Variants in MEIS1 observed in about 807,000 individuals in gnomAD.
MEIS1 encodes the protein homeobox protein Meis1.
MEIS1 carries 5 observed loss-of-function variants against 50.8 expected under a neutral mutation model. That is an observed-to-expected ratio of 0.10 (90% CI 0.05 to 0.21). The LOEUF is 0.21. Ranked by LOEUF, MEIS1 falls within the 10% of genes least tolerant of loss-of-function variation. MEIS1 has a pLI of 1.00. For missense variants in MEIS1, 318 were observed against 517.3 expected (o/e 0.61, Z 3.74); for synonymous variants, 176 against 179.3 (o/e 0.98, Z 0.15).
At chr2:66,551,753 GA>G (rs1674927500) in intron 9 of MEIS1, among the ~76,000 whole-genome samples, 1 of 151,478 alleles carries the variant, frequency 6.6e-6, no homozygotes, top group South Asian at 2.1e-4. Context: ...AATCATTTTC[GA>G]AACATAATAT....
rs79836955 is a variant in MEIS1, at chr2:66,439,584, A to G, written c.240-259A>G. On this transcript the variant is annotated intron_variant, in intron 2 of 12. Coordinates refer to ENST00000272369, the MANE Select transcript of MEIS1 (RefSeq NM_002398.3). The stretch of plus-strand genomic sequence containing the variant: ...GTTTTATTCGTAGCAAATGTTGCCA[A>G]TTTCTCCGGCCAGATACGCTAAACC... 408 of 1,525,618 alleles carry G rather than the reference A, an allele frequency of 2.7e-4. 1 individual carries two copies. In the African/African-American group the frequency reaches 5.2e-3, roughly 19 times the overall value. 94.5% of individuals were successfully genotyped at this position (1,525,618 alleles called of 1,614,324 possible). A position where few individuals can be genotyped will look rare whatever the true frequency, so the allele number is the denominator to read the frequency against.
intron 7 of MEIS1, among the ~76,000 whole-genome samples, chr2:66,485,923 T>C (rs1422604461): frequency 1.3e-5 from 2 of 152,242 alleles, no homozygotes; most frequent in Non-Finnish European, 2.9e-5. Flanking sequence ...GTTCATATCC[T>C]TCACCCACTT....
chr2:66,495,566 A>T (rs1458774287), intron 7 of MEIS1, among the ~76,000 whole-genome samples: 1 of 152,174 alleles, frequency 6.6e-6, no homozygotes, highest in Non-Finnish European at 1.5e-5. Flanking sequence ...TTCCCACACC[A>T]TATTTTGGTA....
chr2:66,458,308 C>G (rs1477685105), intron 6 of MEIS1, among the ~76,000 whole-genome samples: 1 of 152,092 alleles, frequency 6.6e-6, no homozygotes, highest in Non-Finnish European at 1.5e-5. Context: ...TGGGGAGGAA[C>G]AAACCACCTG....
chr2:66,527,511 A>C (rs777940584), intron 8 of MEIS1, among the ~76,000 whole-genome samples: 1 of 152,086 alleles, frequency 6.6e-6, no homozygotes, highest in Non-Finnish European at 1.5e-5. Context: ...ATGGTCAACC[A>C]GAGCTGGGGG....
intron 8 of MEIS1, among the ~76,000 whole-genome samples, chr2:66,539,163 A>G (rs1054255529): frequency 6.6e-6 from 1 of 152,154 alleles, no homozygotes; most frequent in Admixed American, 6.5e-5. Flanking sequence ...CTGGTATTAC[A>G]GGTGTGGGCC....
chr2:66,485,861 C>T (rs2103795358), intron 7 of MEIS1, among the ~76,000 whole-genome samples: 1 of 152,242 alleles, frequency 6.6e-6, no homozygotes, highest in South Asian at 2.1e-4. Context: ...TGATGATGAG[C>T]TTTTTTCATA....
intron 7 of MEIS1, among the ~76,000 whole-genome samples, chr2:66,480,727 G>A (rs1038557750): frequency 2.0e-5 from 3 of 152,120 alleles, no homozygotes; most frequent in Admixed American, 1.3e-4. Context: ...TGCTGTCTAA[G>A]AAAACGATAG....
intron 7 of MEIS1, among the ~76,000 whole-genome samples, chr2:66,464,824 A>C (rs1672597691): frequency 6.6e-6 from 1 of 152,202 alleles, no homozygotes; most frequent in African/African-American, 2.4e-5. Flanking sequence ...TGTGTATGTG[A>C]GTGTCCATGG....
chr2:66,525,986 G>A (rs758999760), intron 8 of MEIS1, among the ~76,000 whole-genome samples: 2 of 152,224 alleles, frequency 1.3e-5, no homozygotes, highest in African/African-American at 2.4e-5. Context: ...GGAGAACTGC[G>A]TTTGTGCCTC....
chr2:66,436,761 C>A, intron 1 of MEIS1: 2 of 460,016 alleles, frequency 4.3e-6, no homozygotes, highest in Non-Finnish European at 2.9e-6. Context: ...AATCATTTCA[C>A]TCTCAGCGCC....
intron 3 of MEIS1, chr2:66,440,341 TAGAAGTA>T: frequency 1.6e-6 from 1 of 607,480 alleles, no homozygotes; most frequent in Admixed American, 2.9e-5. Flanking sequence ...TAGTTGCTAG[TAGAAGTA>T]AGATTGAGCT....
intron 7 of MEIS1, among the ~76,000 whole-genome samples, chr2:66,495,025 C>T: frequency 6.7e-6 from 1 of 149,828 alleles, no homozygotes; most frequent in East Asian, 2.0e-4. Flanking sequence ...AACAATCATT[C>T]CACATTCACA....
intron 6 of MEIS1, among the ~76,000 whole-genome samples, chr2:66,457,639 T>G (rs1391677206): frequency 1.3e-5 from 2 of 152,168 alleles, no homozygotes; most frequent in Non-Finnish European, 2.9e-5. Context: ...CGAAAAACAC[T>G]GTTTAGACAG....
intron 9 of MEIS1, among the ~76,000 whole-genome samples, chr2:66,563,628 G>T (rs1675271048): frequency 6.6e-6 from 1 of 152,126 alleles, no homozygotes; most frequent in South Asian, 2.1e-4. Context: ...AAAGCAGGGA[G>T]GATGAGACAC....
chr2:66,446,527 G>A (rs1186594405), intron 6 of MEIS1, among the ~76,000 whole-genome samples: 1 of 152,164 alleles, frequency 6.6e-6, no homozygotes, highest in East Asian at 1.9e-4. Flanking sequence ...CTTCCCATAA[G>A]CAGCGGGAGG....
rs1441972828 is a variant in MEIS1 at position 66,440,111 on chromosome 2, GC to G, written c.381+129del. On this transcript the variant is annotated intron_variant, in intron 3 of 12. Coordinates refer to ENST00000272369, the MANE Select transcript of MEIS1 (RefSeq NM_002398.3). ...CACACACGGCACACTTTCAAAAGTA[GC>G]CAGCACGTAGTCGGCCTTAAGCCAT... 3 of 721,782 alleles carry G rather than the reference GC, an allele frequency of 4.2e-6. No individual in the cohort carries two copies. In the East Asian group the frequency reaches 9.0e-5, roughly 22 times the overall value. The allele number at this position is 721,782 out of a possible 1,614,324, so 44.7% of individuals were successfully genotyped here.
At chr2:66,496,219 C>T (rs1673399301) in intron 7 of MEIS1, 1 of 152,212 alleles carries the variant, frequency 6.6e-6, no homozygotes. Flanking sequence ...ACTGTGACGT[C>T]ATCACTGAAA....
chr2:66,521,398 A>C (rs1404660106), intron 8 of MEIS1, among the ~76,000 whole-genome samples: 4 of 152,050 alleles, frequency 2.6e-5, no homozygotes, highest in African/African-American at 4.8e-5. Context: ...TGGACGCCAA[A>C]GAGCTAAGTC....
Sources: allele counts gnomAD v4.1 joint callset (sites outside exome capture counted in the v4.1 genomes callset), GRCh38; gene constraint gnomAD v4.1.1; transcripts MANE v1.5; gene names NCBI Gene and HGNC (gene_info 2026-07-23, HGNC 2026-07-21).